The following PAGE5 variants were observed in gnomAD, a reference collection of about 807,000 sequenced individuals.
PAGE5 encodes P antigen family member 5.
PAGE5 carries 8 observed loss-of-function variants against 8.1 expected under a neutral mutation model. The ratio of observed to expected loss-of-function variants is 0.98; its 90% CI spans 0.58 to 1.77. The LOEUF is 1.77. Among genes scored for constraint, PAGE5 ranks in the 40% most tolerant of loss-of-function variants. The pLI is 0.00. For synonymous variants in PAGE5, 30 were observed against 27.0 expected (o/e 1.11, Z -0.35); for missense variants, 64 against 77.6 (o/e 0.82, Z 0.66).
At chrX:55,221,592 C>A (rs1937892425) in intron 2 of PAGE5, 129 bp downstream of exon 2, 11 of 936,662 alleles carry the variant, frequency 1.2e-5, no homozygotes, top group South Asian at 2.5e-5. Flanking sequence ...CTCATGAAGG[C>A]AACTTTGGTT....
At chrX:55,222,466 T>C (rs1937905105) in intron 3 of PAGE5, among the ~76,000 whole-genome samples, 155 bp from the exon 4 acceptor site, 1 of 112,460 alleles carries the variant, frequency 8.9e-6, no homozygotes, top group Non-Finnish European at 1.9e-5. Flanking sequence ...GAAAGGGCAA[T>C]GTTTGAACAT....
chrX:55,221,954 A>G lies in PAGE5; in HGVS notation c.190+79A>G, dbSNP rs369691178. 12 of 976,400 alleles carry G rather than the reference A, an allele frequency of 1.2e-5. 1 individual carries two copies. The highest frequency in any genetic ancestry group is 8.1e-5 in the Admixed American group (3 of 37,121). The allele number at this position is 976,400 out of a possible 1,213,427, so 80.5% of individuals were successfully genotyped here. ...TTATATTTTGTGACATACCAGTAAC[A>G]GGAGGACAGAAAACATTAGGAAGGA... On this transcript the variant is annotated intron_variant, in intron 3 of 4. Transcript: ENST00000374955.
intron 2 of PAGE5, 50 bp from the exon 3 acceptor site, chrX:55,221,717 G>A (rs1191326549): frequency 8.8e-7 from 1 of 1,130,177 alleles, no homozygotes. Flanking sequence ...ATATGCATTT[G>A]TGTGTTTATA....
At chrX:55,220,592 A>G (rs367693830) in intron 1 of PAGE5, 140 bp downstream of exon 1, 1 of 1,194,238 alleles carries the variant, frequency 8.4e-7, no homozygotes, top group South Asian at 1.8e-5. Context: ...GCCTTCCCCC[A>G]GGTCCTGATG....
intron 1 of PAGE5, among the ~76,000 whole-genome samples, chrX:55,220,977 C>A (rs896493037): frequency 1.4e-4 from 15 of 111,075 alleles, no homozygotes; most frequent in Non-Finnish European, 2.6e-4. Context: ...GCTGTGCATT[C>A]CAACAAAACT....
chrX:55,222,980 A>G (rs1937913854), intron 4 of PAGE5, among the ~76,000 whole-genome samples: 1 of 111,621 alleles, frequency 9.0e-6, no homozygotes, highest in African/African-American at 3.3e-5. Flanking sequence ...CAGAAAGACC[A>G]CTTGAGGCCA....
rs1321909817 is a variant in PAGE5 at position 55,220,789 on chromosome X, G to A, written c.-9+337G>A. ...TCTGGACTCTTCGTTAGGGATGCGA[G>A]AAGGGATGGTGTGGGTGGTAAGGAA... is the stretch of plus-strand genomic sequence containing the variant. On this transcript the variant is annotated intron_variant, in intron 1 of 4. Coordinates refer to ENST00000374955, the MANE Select transcript of PAGE5 (RefSeq NM_001013435.3). 10 of 647,620 alleles carry A rather than the reference G, an allele frequency of 1.5e-5. No individual in the cohort carries two copies. The East Asian group carries it at 3.3e-4, about 21-fold the overall frequency. 53.4% of individuals were successfully genotyped at this position (647,620 alleles called of 1,213,427 possible).
intron 1 of PAGE5, chrX:55,220,726 T>G: frequency 9.9e-7 from 1 of 1,012,942 alleles, no homozygotes; most frequent in Non-Finnish European, 1.3e-6. Flanking sequence ...GGTGTCTGAG[T>G]CCCGAAAACG....
rs755284725 is a variant in PAGE5, at chrX:55,220,356, G to A, written c.-105G>A. On this transcript the variant is annotated 5_prime_UTR_variant, in exon 1 of 5. Coordinates refer to ENST00000374955, the MANE Select transcript of PAGE5 (RefSeq NM_001013435.3). Reference sequence around the variant, plus strand: ...CGCCTTTCTGCCCACCTTCTGTCTAGGCAGAGCTCTGCAAGGAGAGGTTGT... The same window carrying A: ...CGCCTTTCTGCCCACCTTCTGTCTAAGCAGAGCTCTGCAAGGAGAGGTTGT... 1.5e-5 allele frequency: 6 copies of A among 392,722 alleles called. No homozygotes were observed. Among genetic ancestry groups the A allele is most frequent in the South Asian group, 1.0e-4 (3 of 29,997 alleles). 32.4% of individuals were successfully genotyped at this position (392,722 alleles called of 1,213,427 possible). A position where few individuals can be genotyped will look rare whatever the true frequency, so the allele number is the denominator to read the frequency against.
At chrX:55,223,474 G>A (rs1247506534) in intron 4 of PAGE5, among the ~76,000 whole-genome samples, 2 of 111,701 alleles carry the variant, frequency 1.8e-5, no homozygotes, top group Non-Finnish European at 3.8e-5. Context: ...ACTACTTAAA[G>A]CAACTACATA....
chrX:55,220,594 G>A, intron 1 of PAGE5, 142 bp downstream of exon 1: 1 of 1,195,373 alleles, frequency 8.4e-7, no homozygotes, highest in Non-Finnish European at 1.1e-6. Flanking sequence ...CTTCCCCCAG[G>A]TCCTGATGCA....
intron 3 of PAGE5, 69 bp from the exon 4 acceptor site, chrX:55,222,552 G>A (rs1937906509): frequency 9.5e-7 from 1 of 1,051,006 alleles, no homozygotes; most frequent in South Asian, 1.9e-5. Context: ...AATGATGAGG[G>A]AATAAATATT....
intron 2 of PAGE5, 123 bp downstream of exon 2, chrX:55,221,586 T>A: frequency 1.1e-6 from 1 of 946,297 alleles, no homozygotes; most frequent in Non-Finnish European, 1.4e-6. Flanking sequence ...TGGCATCTCA[T>A]GAAGGCAACT....
At chrX:55,220,556 G>T in intron 1 of PAGE5, 104 bp downstream of exon 1, 1 of 1,162,799 alleles carries the variant, frequency 8.6e-7, no homozygotes, top group Non-Finnish European at 1.2e-6. Flanking sequence ...TGGCTTTGAG[G>T]GAAAAGGGCC....
intron 2 of PAGE5, 38 bp downstream of exon 2, chrX:55,221,501 T>C: frequency 8.6e-7 from 1 of 1,163,495 alleles, no homozygotes; most frequent in Non-Finnish European, 1.2e-6. Flanking sequence ...TATTAACACA[T>C]TTTATTTTAA....
Position 55,221,812 on chromosome X carries a change from A to G in PAGE5, c.127A>G (p.Thr43Ala), listed in dbSNP as rs1937896289. 4.1e-6 allele frequency: 5 copies of G among 1,208,287 alleles called. No individual in the cohort carries two copies. The highest frequency in any genetic ancestry group is 5.6e-6 in the Non-Finnish European group (5 of 894,631). Reference sequence around the variant, plus strand: ...AAAACGTCAAGAAGAGGAACCACCAACTGATAATCAGGGTATTGCACCTAG... The same window carrying G: ...AAAACGTCAAGAAGAGGAACCACCAGCTGATAATCAGGGTATTGCACCTAG... ...EEKRQEEEPP[T>A]DNQGIAPSGE... The change falls in exon 3 of 5, where the codon ACT becomes GCT. Residue 43 changes from threonine to alanine, a missense_variant. By Grantham distance (58) the Thr-to-Ala change is moderately conservative. Coordinates refer to ENST00000374955, the MANE Select transcript of PAGE5 (RefSeq NM_001013435.3).
At chrX:55,221,671 A>T in intron 2 of PAGE5, 96 bp from the exon 3 acceptor site, 1 of 955,420 alleles carries the variant, frequency 1.0e-6, no homozygotes. Flanking sequence ...ATATATATCT[A>T]TTGGAAAATG....
At chrX:55,220,834 C>G (rs758348812) in intron 1 of PAGE5, among the ~76,000 whole-genome samples, 7 of 110,994 alleles carry the variant, frequency 6.3e-5, no homozygotes, top group Admixed American at 9.6e-5. Context: ...AAACTGGGAA[C>G]GCTGTGGGCT....
chrX:55,220,491 G>C, intron 1 of PAGE5, 39 bp downstream of exon 1: 1 of 723,182 alleles, frequency 1.4e-6, no homozygotes, highest in Admixed American at 2.6e-5. Context: ...ATTTAGTTGT[G>C]AGTGAATGTG....
Sources: allele counts gnomAD v4.1 joint callset (sites outside exome capture counted in the v4.1 genomes callset), GRCh38; gene constraint gnomAD v4.1.1; transcripts MANE v1.5; gene names NCBI Gene and HGNC (gene_info 2026-07-23, HGNC 2026-07-21).